MYO5A: variants seen among roughly 807,000 people sequenced by gnomAD.
MYO5A encodes the protein myosin VA.
A neutral mutation model predicts 249.7 loss-of-function variants in MYO5A; 98 were observed. That is an observed-to-expected ratio of 0.39 (90% CI 0.33 to 0.46). The LOEUF (loss-of-function observed/expected upper bound fraction) is 0.46, where lower values mean the gene tolerates loss of function less well. Among genes scored for constraint, MYO5A ranks in the 20% least tolerant of loss-of-function variants. The probability of loss-of-function intolerance (pLI) is 0.98; values close to 1 mark genes in which losing one functional copy is unlikely to be tolerated. For synonymous variants in MYO5A, 778 were observed against 810.6 expected, an observed-to-expected ratio of 0.96 and a Z score of 0.68; for missense variants, 1,696 against 2,308.8, an observed-to-expected ratio of 0.73 and a Z score of 5.44.
At chr15:52,447,031 G>T (rs2075906320) in intron 1 of MYO5A, among the ~76,000 whole-genome samples, 1 of 152,160 alleles carries the variant, frequency 6.6e-6, no homozygotes, top group Admixed American at 6.5e-5. Context: ...GGCTTTGGGG[G>T]ACTGTCGGGA....
At chr15:52,482,764 T>A (rs2076740344) in intron 1 of MYO5A, among the ~76,000 whole-genome samples, 1 of 152,152 alleles carries the variant, frequency 6.6e-6, no homozygotes. Flanking sequence ...GTAGAGGAGT[T>A]GCGGCAGCTC....
chr15:52,480,141 A>G (rs1373694106), intron 1 of MYO5A, among the ~76,000 whole-genome samples: 2 of 152,252 alleles, frequency 1.3e-5, no homozygotes, highest in Non-Finnish European at 2.9e-5. Flanking sequence ...ACTAAAAAGA[A>G]ATCAGTTCCC....
intron 1 of MYO5A, chr15:52,505,854 C>T (rs1279344883): frequency 2.0e-5 from 31 of 1,581,688 alleles, no homozygotes; most frequent in Non-Finnish European, 2.6e-5. Context: ...CTGCTTTCAA[C>T]AAGATCTAAA....
intron 14 of MYO5A, among the ~76,000 whole-genome samples, chr15:52,385,563 CAT>C (rs915846121): frequency 4.0e-5 from 6 of 151,460 alleles, no homozygotes; most frequent in African/African-American, 1.5e-4. Context: ...TTTATAATTC[CAT>C]ATATATATAT....
chr15:52,416,126 C>T lies in MYO5A; in HGVS notation c.612+19G>A, dbSNP rs200049184. ...TATCAAGAGAATATAGGAAGAAAGC[C>T]GAAGACTCGCTGTCTTACCTCCATG... On this transcript the variant is annotated intron_variant, in intron 5 of 41. Transcript: ENST00000399233. 33 of 1,613,418 alleles carry T rather than the reference C, an allele frequency of 2.0e-5. 1 individual carries two copies. In the South Asian group the frequency reaches 2.9e-4, roughly 14 times the overall value.
chr15:52,343,288 A>G, intron 30 of MYO5A, 91 bp from the exon 31 acceptor site: 2 of 1,046,316 alleles, frequency 1.9e-6, no homozygotes, highest in Non-Finnish European at 3.0e-6. Context: ...GCAGTATTTC[A>G]ACATTTTATA....
rs2042478092 is a variant in MYO5A at position 52,396,207 on chromosome 15, T to A, written c.1401+109A>T. The A allele has an allele frequency of 3.5e-5, 26 of 735,620 alleles. No individual in the cohort carries two copies. In the South Asian group the frequency reaches 4.3e-4, roughly 12 times the overall value. 45.6% of individuals were successfully genotyped at this position (735,620 alleles called of 1,614,324 possible). On this transcript the variant is annotated intron_variant, in intron 11 of 41. Transcript: ENST00000399233. ...TTAATCGTCAGTTCTAAGTTCCATATAATAATTTTAATTCACAACTTCATT... is the reference window on the plus strand; with the variant it reads ...TTAATCGTCAGTTCTAAGTTCCATAAAATAATTTTAATTCACAACTTCATT...
chr15:52,502,291 TATACATACATAC>T (rs150161899), intron 1 of MYO5A, among the ~76,000 whole-genome samples: 3 of 151,654 alleles, frequency 2.0e-5, no homozygotes, highest in African/African-American at 4.8e-5. Context: ...CCAATACATA[TATACATACATAC>T]ATACATACAT....
intron 27 of MYO5A, 44 bp downstream of exon 27, chr15:52,353,561 C>A: frequency 6.3e-7 from 1 of 1,585,738 alleles, no homozygotes; most frequent in Non-Finnish European, 8.7e-7. Context: ...GGGCCTCTTG[C>A]CAAAACAAAA....
At chr15:52,401,798 A>G (rs2042769718) in intron 9 of MYO5A, among the ~76,000 whole-genome samples, 2 of 152,102 alleles carry the variant, frequency 1.3e-5, no homozygotes, top group Admixed American at 6.5e-5. Flanking sequence ...AAAATTAGAC[A>G]TTATTACTCT....
chr15:52,395,387 C>T (rs943618515), intron 11 of MYO5A, among the ~76,000 whole-genome samples: 3 of 152,184 alleles, frequency 2.0e-5, no homozygotes, highest in African/African-American at 7.2e-5. Flanking sequence ...TGTGCATCAA[C>T]TACAAACCAT....
chr15:52,384,227 A>G lies in MYO5A; in HGVS notation c.1848T>C (p.Pro616=). ...CTGGTCTGCCTTTGGTGGGCTTTGC[A>G]GGAGTTCGTGTGAGGGGTGTGCGCC... ...SSGRTPLTRT[P]AKPTKGRPGQ... is the part of the protein sequence containing the mutation. The change falls in exon 15 of 42, where the codon CCT becomes CCC. Residue 616 remains proline (P), a synonymous_variant. Transcript: ENST00000399233. 6.2e-7 allele frequency: 1 copy of G among 1,614,172 alleles called. No homozygotes were observed. The highest frequency in any genetic ancestry group is 8.5e-7 in the Non-Finnish European group (1 of 1,180,010).
chr15:52,496,755 G>A (rs1046121800), intron 1 of MYO5A, among the ~76,000 whole-genome samples: 2 of 152,182 alleles, frequency 1.3e-5, no homozygotes, highest in South Asian at 2.1e-4. Flanking sequence ...TCAACACTGA[G>A]AAAAGTTTAA....
At chr15:52,455,657 A>G (rs2076102913) in intron 1 of MYO5A, among the ~76,000 whole-genome samples, 1 of 152,178 alleles carries the variant, frequency 6.6e-6, no homozygotes. Context: ...ATGGTTCAAC[A>G]TACACAAATC....
intron 6 of MYO5A, 94 bp from the exon 7 acceptor site, chr15:52,408,234 G>A (rs1310724380): frequency 1.5e-5 from 11 of 731,664 alleles, no homozygotes; most frequent in Non-Finnish European, 1.9e-5. Context: ...AATTATCTCA[G>A]TTGGTTAAAT....
At chr15:52,425,610 T>C (rs1434237954) in intron 4 of MYO5A, among the ~76,000 whole-genome samples, 1 of 152,206 alleles carries the variant, frequency 6.6e-6, no homozygotes, top group Non-Finnish European at 1.5e-5. Context: ...TTCGCCCACC[T>C]TGGCCTCCCA....
At position 52,397,203 on chromosome 15, in the gene MYO5A, G is replaced by A. The variant is rs1250053227; in HGVS notation, c.1317C>T (p.Tyr439=). ...QHSFIGVLDI[Y]GFETFEINSF... is the part of the protein sequence containing the mutation. ...ACCAATTAGCCAAATATACTCACCC[G>A]TAAATGTCTAGCACACCAATAAAAG... Residue 439 remains tyrosine, a splice_region_variant and synonymous_variant, in exon 10 of 42, where the codon TAC becomes TAT. Coordinates refer to ENST00000399233, the MANE Select transcript of MYO5A (RefSeq NM_001382347.1). The A allele has an allele frequency of 3.1e-6, 5 of 1,613,868 alleles. No homozygotes were observed. The highest frequency in any genetic ancestry group is 3.4e-6 in the Non-Finnish European group (4 of 1,179,950).
At chr15:52,403,571 T>G (rs1460939715) in intron 9 of MYO5A, among the ~76,000 whole-genome samples, 1 of 152,190 alleles carries the variant, frequency 6.6e-6, no homozygotes, top group Non-Finnish European at 1.5e-5. Context: ...TAACAATAAG[T>G]AAAGGGTACT....
chr15:52,451,089 G>A (rs1168197175), intron 1 of MYO5A, among the ~76,000 whole-genome samples: 2 of 151,922 alleles, frequency 1.3e-5, no homozygotes, highest in African/African-American at 4.8e-5. Context: ...CTATTTAGAT[G>A]TCTCATAGAC....
Sources: gnomAD v4.1 joint callset for allele counts (sites outside exome capture counted in the v4.1 genomes callset) on GRCh38, gnomAD v4.1.1 for gene constraint, MANE v1.5 for transcripts, NCBI Gene and HGNC (gene_info 2026-07-23, HGNC 2026-07-21) for gene names.